LARGE1: variants seen among roughly 807,000 people sequenced by gnomAD.
LARGE1 encodes xylosyl- and glucuronyltransferase LARGE1.
A neutral mutation model predicts 87.6 loss-of-function variants in LARGE1; 43 were observed. That is an observed-to-expected ratio of 0.49 (90% CI 0.38 to 0.63). LARGE1 has a LOEUF of 0.63. Among genes scored for constraint, LARGE1 ranks in the 30% least tolerant of loss-of-function variants. The pLI is 0.00. For synonymous variants in LARGE1, 434 were observed against 394.6 expected (o/e 1.10, Z -1.18); for missense variants, 802 against 1,000.2 (o/e 0.80, Z 2.67).
At position 33,816,992 on chromosome 22, in the gene LARGE1, C is replaced by G. The variant is rs919746824; in HGVS notation, c.-82-55434G>C. Among the ~76,000 whole-genome samples, 4 of 152,162 alleles carry G rather than the reference C, an allele frequency of 2.6e-5. 1 individual carries two copies. Among genetic ancestry groups the G allele is most frequent in the South Asian group, 4.2e-4 (2 of 4,812 alleles). On this transcript the variant is annotated intron_variant, in intron 1 of 14. Transcript: ENST00000397394. ...CCCTACAGCTAAGACCCTGGGAAGTCGGGGTGGAGGGGTGCATGTATATAC... is the reference window on the plus strand; with the variant it reads ...CCCTACAGCTAAGACCCTGGGAAGTGGGGGTGGAGGGGTGCATGTATATAC...
intron 7 of LARGE1, among the ~76,000 whole-genome samples, chr22:33,394,346 G>A (rs2065644326): frequency 6.6e-6 from 1 of 152,056 alleles, no homozygotes; most frequent in Non-Finnish European, 1.5e-5. Context: ...CTACAGGCGT[G>A]TGCCACCACA....
chr22:33,595,003 G>A (rs1052415052), intron 5 of LARGE1, among the ~76,000 whole-genome samples: 5 of 152,124 alleles, frequency 3.3e-5, no homozygotes, highest in East Asian at 1.9e-4. Flanking sequence ...TCTGGCATCC[G>A]CTCCATCCAA....
At chr22:33,731,350 G>C (rs749681347) in intron 2 of LARGE1, among the ~76,000 whole-genome samples, 4 of 152,126 alleles carry the variant, frequency 2.6e-5, no homozygotes, top group Non-Finnish European at 5.9e-5. Context: ...TATTGAGATA[G>C]TGATATTGGG....
intron 2 of LARGE1, among the ~76,000 whole-genome samples, chr22:33,728,966 G>A (rs1376388914): frequency 3.3e-5 from 5 of 152,052 alleles, no homozygotes; most frequent in African/African-American, 1.2e-4. Flanking sequence ...AAGCTCAAAG[G>A]TATTAACTGT....
chr22:33,451,980 A>C (rs1009823425), intron 6 of LARGE1, among the ~76,000 whole-genome samples: 8 of 152,146 alleles, frequency 5.3e-5, no homozygotes, highest in Non-Finnish European at 1.0e-4. Flanking sequence ...CTCCAATTAC[A>C]CCCAGGTTCC....
intron 9 of LARGE1, among the ~76,000 whole-genome samples, chr22:33,349,926 ATTGATGAC>A (rs1399783256): frequency 6.6e-6 from 1 of 152,212 alleles, no homozygotes; most frequent in African/African-American, 2.4e-5. Flanking sequence ...GACCCAACTC[ATTGATGAC>A]TTAGTCCTCT....
intron 11 of LARGE1, among the ~76,000 whole-genome samples, chr22:33,184,031 T>C (rs1196060306): frequency 6.9e-6 from 1 of 145,800 alleles, no homozygotes; most frequent in African/African-American, 2.5e-5. Flanking sequence ...CCCCACACAG[T>C]GGTAACTATG....
chr22:33,564,244 T>C (rs765960208), intron 6 of LARGE1, among the ~76,000 whole-genome samples: 8 of 152,192 alleles, frequency 5.3e-5, no homozygotes, highest in African/African-American at 1.2e-4. Flanking sequence ...CTGCCACTTC[T>C]CTCACATATC....
the LARGE1 span, among the ~76,000 whole-genome samples, chr22:33,089,529 G>A: frequency 6.8e-6 from 1 of 147,524 alleles, no homozygotes; most frequent in East Asian, 2.0e-4. Context: ...ACAGGGTCTT[G>A]CTTTGTCACT....
chr22:33,444,191 T>A (rs2067599404), intron 6 of LARGE1, among the ~76,000 whole-genome samples: 1 of 152,220 alleles, frequency 6.6e-6, no homozygotes, highest in Non-Finnish European at 1.5e-5. Flanking sequence ...GTCAAATGAC[T>A]CAATTTCCAA....
intron 2 of LARGE1, among the ~76,000 whole-genome samples, chr22:33,672,737 A>T (rs942434898): frequency 6.6e-6 from 1 of 152,204 alleles, no homozygotes; most frequent in Non-Finnish European, 1.5e-5. Context: ...AAGCTTAAGA[A>T]CCAAAGGAGT....
At chr22:33,085,764 C>A in the LARGE1 span, among the ~76,000 whole-genome samples, 1 of 152,150 alleles carries the variant, frequency 6.6e-6, no homozygotes, top group African/African-American at 2.4e-5. Flanking sequence ...TGCTGAGTCA[C>A]AAATAAACCT....
chr22:33,525,857 T>C (rs2071865130), intron 6 of LARGE1, among the ~76,000 whole-genome samples: 1 of 152,186 alleles, frequency 6.6e-6, no homozygotes, highest in South Asian at 2.1e-4. Flanking sequence ...GGTGCAGCCA[T>C]TTGGAAAATG....
intron 11 of LARGE1, among the ~76,000 whole-genome samples, chr22:33,310,073 T>C (rs965592176): frequency 2.0e-5 from 3 of 152,206 alleles, no homozygotes; most frequent in African/African-American, 7.2e-5. Flanking sequence ...GCGGGGCTTC[T>C]TAAGACCCCT....
intron 1 of LARGE1, among the ~76,000 whole-genome samples, chr22:33,863,539 C>CA (rs1243826672): frequency 6.6e-6 from 1 of 150,436 alleles, no homozygotes; most frequent in Non-Finnish European, 1.5e-5. Flanking sequence ...GGGCGGATCA[C>CA]AAGGTCAGGA....
intron 2 of LARGE1, among the ~76,000 whole-genome samples, chr22:33,658,622 TC>T (rs1286816654): frequency 1.3e-5 from 2 of 152,222 alleles, no homozygotes; most frequent in Non-Finnish European, 2.9e-5. Flanking sequence ...ATTGTCTCAT[TC>T]CTTTTTATGG....
chr22:33,625,392 G>T (rs2079888733), intron 4 of LARGE1, among the ~76,000 whole-genome samples: 1 of 152,164 alleles, frequency 6.6e-6, no homozygotes, highest in Admixed American at 6.5e-5. Flanking sequence ...GCATCCAGAG[G>T]CATTATCACT....
rs977259178 is a variant in LARGE1, at chr22:33,264,035, A to C, written c.1730+40194T>G. ...AACTAACTTACCATAGAACTTACTA[A>C]ATGTAAACGCTTAGAACTATGACTG... On this transcript the variant is annotated intron_variant, in intron 11 of 11. Transcript: ENST00000608642. 2.6e-5 allele frequency among the ~76,000 whole-genome samples: 4 copies of C among 152,372 alleles called. No homozygotes were observed. In the East Asian group the frequency reaches 7.7e-4, roughly 29 times the overall value.
At chr22:33,367,262 G>A (rs1026618237) in intron 9 of LARGE1, among the ~76,000 whole-genome samples, 10 of 151,982 alleles carry the variant, frequency 6.6e-5, no homozygotes, top group African/African-American at 1.9e-4. Context: ...GGAATTAGGT[G>A]CCCCTATTCA....
Sources: allele counts gnomAD v4.1 joint callset (sites outside exome capture counted in the v4.1 genomes callset), GRCh38; gene constraint gnomAD v4.1.1; transcripts MANE v1.5; gene names NCBI Gene and HGNC (gene_info 2026-07-23, HGNC 2026-07-21).